The following DPP6 variants were observed in gnomAD, a reference collection of about 807,000 sequenced individuals.
DPP6 encodes dipeptidyl peptidase like 6.
In DPP6, 69 loss-of-function variants were observed where a neutral mutation model predicts 122.6. That is an observed-to-expected ratio of 0.56 (90% CI 0.46 to 0.69). The LOEUF is 0.69. Ranked by LOEUF, DPP6 falls within the 30% of genes least tolerant of loss-of-function variation. The pLI, the probability that DPP6 is intolerant of heterozygous loss-of-function variation, is 0.00. For missense variants in DPP6, 928 were observed against 1,116.9 expected, an observed-to-expected ratio of 0.83 and a Z score of 2.41; for synonymous variants, 418 against 433.1, an observed-to-expected ratio of 0.97 and a Z score of 0.43.
At chr7:153,847,638 T>C in the DPP6 span, among the ~76,000 whole-genome samples, 4 of 152,328 alleles carry the variant, frequency 2.6e-5, no homozygotes, top group East Asian at 1.9e-4. Context: ...GCTGTAAGTA[T>C]GGACCTTATA....
At chr7:154,797,244 C>T (rs986061520) in intron 12 of DPP6, among the ~76,000 whole-genome samples, 1 of 152,150 alleles carries the variant, frequency 6.6e-6, no homozygotes, top group Non-Finnish European at 1.5e-5. Flanking sequence ...AATGAGTCGG[C>T]TACTATCACT....
At chr7:154,790,244 A>G (rs1797589515) in intron 10 of DPP6, among the ~76,000 whole-genome samples, 1 of 152,210 alleles carries the variant, frequency 6.6e-6, no homozygotes, top group African/African-American at 2.4e-5. Flanking sequence ...ATAGTCACTG[A>G]TGCAACTCAT....
intron 1 of DPP6, among the ~76,000 whole-genome samples, chr7:154,275,794 G>C (rs775098090): frequency 1.3e-5 from 2 of 152,196 alleles, no homozygotes; most frequent in African/African-American, 4.8e-5. Flanking sequence ...GGAGAGAGTG[G>C]TACAACCTTA....
intron 1 of DPP6, among the ~76,000 whole-genome samples, chr7:153,973,628 C>T (rs994239948): frequency 5.5e-5 from 7 of 127,678 alleles, no homozygotes; most frequent in African/African-American, 1.5e-4. Context: ...TGTTCACCAT[C>T]GCTCGTGTGT....
rs958539101 is a variant in DPP6, at chr7:153,935,465, GCA to G, written c.51+47734_51+47735del. ...CCCAGGCTTCTCTCCCTAACCTGCC[GCA>G]CAGAGTGGAACCTGCCCCTGGCTCA... On this transcript the variant is annotated intron_variant, in intron 1 of 25. Transcript: ENST00000404039. 7.2e-5 allele frequency among the ~76,000 whole-genome samples: 11 copies of G among 152,224 alleles called. No homozygotes were observed. In the South Asian group the frequency reaches 2.3e-3, roughly 32 times the overall value.
At chr7:154,386,894 G>A (rs1339546011) in intron 1 of DPP6, among the ~76,000 whole-genome samples, 1 of 151,928 alleles carries the variant, frequency 6.6e-6, no homozygotes, top group Non-Finnish European at 1.5e-5. Flanking sequence ...GAGCCAGGCT[G>A]TGGATGACGG....
chr7:154,321,118 C>CA (rs1354356910), intron 1 of DPP6, among the ~76,000 whole-genome samples: 3 of 151,832 alleles, frequency 2.0e-5, no homozygotes, highest in African/African-American at 7.3e-5. Context: ...TCCATCTCTA[C>CA]AAAAAAATAC....
At chr7:154,440,801 A>C (rs1399979857) in intron 1 of DPP6, among the ~76,000 whole-genome samples, 1 of 152,154 alleles carries the variant, frequency 6.6e-6, no homozygotes, top group East Asian at 1.9e-4. Flanking sequence ...CCTTTAGCTA[A>C]GGGACATAGA....
intron 7 of DPP6, among the ~76,000 whole-genome samples, chr7:154,689,589 G>A (rs61458313): frequency 0.054 from 8,127 of 151,872 alleles, 293 homozygotes; most frequent in African/African-American, 0.1. Flanking sequence ...GGATTTTTGC[G>A]TCTGTGTTCA....
chr7:154,569,209 A>G (rs1830959124), intron 5 of DPP6, among the ~76,000 whole-genome samples: 1 of 152,032 alleles, frequency 6.6e-6, no homozygotes, highest in African/African-American at 2.4e-5. Flanking sequence ...AGGGAGGGGT[A>G]AATTTCAAAG....
intron 6 of DPP6, among the ~76,000 whole-genome samples, chr7:154,665,132 TC>T (rs761074435): frequency 3.3e-5 from 5 of 152,186 alleles, no homozygotes; most frequent in Non-Finnish European, 5.9e-5. Context: ...TGTTGTAGTG[TC>T]CCTCAATTTG....
chr7:153,900,194 T>G (rs1799584598), intron 1 of DPP6, among the ~76,000 whole-genome samples: 1 of 152,064 alleles, frequency 6.6e-6, no homozygotes, highest in African/African-American at 2.4e-5. Flanking sequence ...GATTTCATTT[T>G]TGTTTTTAAA....
At chr7:154,135,657 TCCTC>T (rs1795513295) in intron 1 of DPP6, among the ~76,000 whole-genome samples, 1 of 150,348 alleles carries the variant, frequency 6.7e-6, no homozygotes, top group Non-Finnish European at 1.5e-5. Flanking sequence ...GAGCCCCCCT[TCCTC>T]TGTGCAATTC....
Position 154,887,737 on chromosome 7 carries a change from G to A in DPP6, c.2304+3G>A, listed in dbSNP as rs940378. On this transcript the variant is annotated splice_donor_region_variant and intron_variant, in intron 23 of 25. Coordinates refer to ENST00000377770, the MANE Select transcript of DPP6 (RefSeq NM_130797.4). ...GACTTGACAACAGAGCATACGAGGTGTGTATGGGCACAACTAGAGAATGTG... is the reference window on the plus strand; with the variant it reads ...GACTTGACAACAGAGCATACGAGGTATGTATGGGCACAACTAGAGAATGTG... 1,557,059 of 1,613,724 alleles carry A rather than the reference G, an allele frequency of 0.96. 751,361 individuals are homozygous for A. The highest frequency in any genetic ancestry group is 1 in the East Asian group (44,847 of 44,862).
the DPP6 span, among the ~76,000 whole-genome samples, chr7:153,766,151 C>T: frequency 1.3e-5 from 2 of 152,150 alleles, no homozygotes; most frequent in Non-Finnish European, 2.9e-5. Context: ...TTCGTGAAAA[C>T]GGTCTTAGTG....
rs78716097 is a variant in DPP6 at position 154,419,426 on chromosome 7, G to A, written c.244-26788G>A. Among the ~76,000 whole-genome samples the A allele has an allele frequency of 0.011, 1,646 of 152,280 alleles. 72 individuals are homozygous for A. In the East Asian group the frequency reaches 0.15, roughly 14 times the overall value. On this transcript the variant is annotated intron_variant, in intron 1 of 25. Transcript: ENST00000377770. ...ACAGCTTAGTTCTGGATATGTTTGC[G>A]TTTTCCATCTCTCTTGGCTGCTTGA...
At chr7:154,676,197 GCT>G (rs1563092012) in intron 7 of DPP6, among the ~76,000 whole-genome samples, 3 of 150,974 alleles carry the variant, frequency 2.0e-5, no homozygotes, top group African/African-American at 7.3e-5. Context: ...CTTGCAGCGT[GCT>G]GTCTGGAGGT....
rs569450697 is a variant in DPP6, at chr7:154,063,290, AC to A, written c.243+10233del. 3.2e-3 allele frequency among the ~76,000 whole-genome samples: 343 copies of A among 105,762 alleles called. 49 individuals carry two copies. The highest frequency in any genetic ancestry group is 0.012 in the African/African-American group (329 of 27,366). 69.4% of individuals were successfully genotyped at this position (105,762 alleles called of 152,430 possible). Reference sequence around the variant, plus strand: ...GACCCCCATCGCAGAGGGGGGAGGGACCCCCCATGAGGCGGGGACTGAGAGC... The same window carrying A: ...GACCCCCATCGCAGAGGGGGGAGGGACCCCCATGAGGCGGGGACTGAGAGC... On this transcript the variant is annotated intron_variant, in intron 1 of 25. Coordinates refer to ENST00000377770, the MANE Select transcript of DPP6 (RefSeq NM_130797.4).
chr7:154,609,181 C>T (rs56170657), intron 5 of DPP6, among the ~76,000 whole-genome samples: 4,182 of 152,258 alleles, frequency 0.027, 192 homozygotes, highest in African/African-American at 0.095. Context: ...TACGTATTCT[C>T]GAACAGTTTC....
Sources: allele counts gnomAD v4.1 joint callset (sites outside exome capture counted in the v4.1 genomes callset), GRCh38; gene constraint gnomAD v4.1.1; transcripts MANE v1.5; gene names NCBI Gene and HGNC (gene_info 2026-07-23, HGNC 2026-07-21).